The following DDX46 variants were observed in gnomAD, a reference collection of about 807,000 sequenced individuals.
DDX46 encodes the protein probable ATP-dependent RNA helicase DDX46.
DDX46 carries 30 observed loss-of-function variants against 134.9 expected under a neutral mutation model. That is an observed-to-expected ratio of 0.22 (90% CI 0.17 to 0.30). DDX46 has a LOEUF of 0.30. Ranked by LOEUF, DDX46 falls within the 10% of genes least tolerant of loss-of-function variation. The pLI is 1.00. For synonymous variants in DDX46, 415 were observed against 404.1 expected, an observed-to-expected ratio of 1.03 and a Z score of -0.32; for missense variants, 622 against 1,248.7, an observed-to-expected ratio of 0.50 and a Z score of 7.56.
intron 16 of DDX46, among the ~76,000 whole-genome samples, chr5:134,809,460 C>G (rs1191755629): frequency 3.3e-5 from 5 of 152,162 alleles, no homozygotes; most frequent in African/African-American, 1.2e-4. Context: ...CTCTCCCTCC[C>G]AGGTTCAAAC....
chr5:134,817,356 AATGAG>A, intron 19 of DDX46, 135 bp from the exon 20 acceptor site: 1 of 755,984 alleles, frequency 1.3e-6, no homozygotes, highest in Non-Finnish European at 2.1e-6. Context: ...CACACATATC[AATGAG>A]ACTATGCATT....
In DDX46 at chr5:134,811,625, T is replaced by C. The variant is rs1319365977; in HGVS notation, c.2287-71T>C. On this transcript the variant is annotated intron_variant, in intron 17 of 22. Transcript: ENST00000452510. ...TTGACATACACCACCTTGAAAAATATTTAATTAGTATGAATTCCTAAACAT... is the reference window on the plus strand; with the variant it reads ...TTGACATACACCACCTTGAAAAATACTTAATTAGTATGAATTCCTAAACAT... 4.6e-5 allele frequency: 68 copies of C among 1,481,072 alleles called. No individual in the cohort carries two copies. In the South Asian group the frequency reaches 9.1e-4, roughly 20 times the overall value. 91.7% of individuals were successfully genotyped at this position (1,481,072 alleles called of 1,614,324 possible).
chr5:134,789,932 A>G (rs1283663040), intron 12 of DDX46, among the ~76,000 whole-genome samples: 2 of 152,200 alleles, frequency 1.3e-5, no homozygotes, highest in Non-Finnish European at 2.9e-5. Context: ...TTAATTTCCT[A>G]ATGCTGTCAA....
intron 10 of DDX46, 63 bp downstream of exon 10, chr5:134,784,604 T>C: frequency 6.7e-7 from 1 of 1,483,614 alleles, no homozygotes; most frequent in South Asian, 1.4e-5. Flanking sequence ...AGAAAGACCT[T>C]ATAGTTTATA....
intron 15 of DDX46, among the ~76,000 whole-genome samples, chr5:134,799,190 C>T (rs530507678): frequency 1.3e-5 from 2 of 152,242 alleles, no homozygotes; most frequent in South Asian, 4.1e-4. Flanking sequence ...TTTTTAGCTA[C>T]TATTCTTTGT....
rs1755679493 is a variant in DDX46, at chr5:134,829,522, A to T, written c.*816A>T. On this transcript the variant is annotated 3_prime_UTR_variant, in exon 23 of 23. Transcript: ENST00000452510. ...TACATGTTGTATGTACAAATATCCT[A>T]CTACTTTTAATCTGATTTTTCTTCA... is the stretch of plus-strand genomic sequence containing the variant. 3 of 152,176 alleles carry T rather than the reference A, an allele frequency of 2.0e-5. No homozygotes were observed. The highest frequency in any genetic ancestry group is 4.1e-4 in the South Asian group (2 of 4,832). The allele number at this position is 152,176 out of a possible 1,614,324, so 9.4% of individuals were successfully genotyped here.
rs548521508 is a variant in DDX46 at position 134,811,959 on chromosome 5, T to C, written c.2436+114T>C. 7.1e-5 allele frequency: 97 copies of C among 1,363,638 alleles called. 1 individual carries two copies. The South Asian group carries it at 1.5e-3, about 21-fold the overall frequency. The allele number at this position is 1,363,638 out of a possible 1,614,324, so 84.5% of individuals were successfully genotyped here. On this transcript the variant is annotated intron_variant, in intron 18 of 22. Transcript: ENST00000452510. ...ATCACTGGAAACCTTTACAAGAGGT[T>C]GGTTCCAGAACAGTTTTGGAAAATC...
chr5:134,790,498 A>G lies in DDX46; in HGVS notation c.1572A>G (p.Thr524=). 1 of 1,613,138 alleles carries G rather than the reference A, an allele frequency of 6.2e-7. No homozygotes were observed. Among genetic ancestry groups the G allele is most frequent in the South Asian group, 1.1e-5 (1 of 90,764 alleles). ...GGGTCACAAATCTTCGAAGAGTGAC[A>G]TATGTTGTTTTAGATGAAGCAGACA... ...SGRVTNLRRV[T]YVVLDEADRM... Residue 524 remains threonine, a synonymous_variant, in exon 13 of 23, where the codon ACA becomes ACG. Coordinates refer to ENST00000452510, the MANE Select transcript of DDX46 (RefSeq NM_001300860.2).
At position 134,811,788 on chromosome 5, in the gene DDX46, G is replaced by A. The variant is rs145388509; in HGVS notation, c.2379G>A (p.Lys793=). 11 of 1,613,836 alleles carry A rather than the reference G, an allele frequency of 6.8e-6. No homozygotes were observed. In the African/African-American group the frequency reaches 1.5e-4, roughly 22 times the overall value. ...AAGCTTTGGCTAATGAGAGGAAGAA[G>A]TTACAAAAAGCAGCTCTTGGTCTAC... ...TEQALANERK[K]LQKAALGLQD... is the part of the protein sequence containing the mutation. The change falls in exon 18 of 23, where the codon AAG becomes AAA. Residue 793 remains lysine (K), a synonymous_variant. Transcript: ENST00000452510.
chr5:134,795,713 A>G (rs1754637171), intron 14 of DDX46, among the ~76,000 whole-genome samples: 1 of 152,186 alleles, frequency 6.6e-6, no homozygotes, highest in South Asian at 2.1e-4. Flanking sequence ...CAAAGGAAAA[A>G]GAAATGTTAC....
At chr5:134,808,389 A>G (rs990295160) in intron 16 of DDX46, among the ~76,000 whole-genome samples, 17 of 152,192 alleles carry the variant, frequency 1.1e-4, no homozygotes, top group Admixed American at 5.2e-4. Context: ...CACAAAGCCT[A>G]TTTTATAATA....
intron 5 of DDX46, among the ~76,000 whole-genome samples, chr5:134,776,408 T>C (rs1450042908): frequency 6.6e-6 from 1 of 151,240 alleles, no homozygotes; most frequent in Non-Finnish European, 1.5e-5. Context: ...AAAAAAAGAA[T>C]TACGAGAAAG....
intron 15 of DDX46, among the ~76,000 whole-genome samples, chr5:134,800,786 C>T (rs1370067067): frequency 6.6e-6 from 1 of 152,184 alleles, no homozygotes; most frequent in Non-Finnish European, 1.5e-5. Flanking sequence ...AGCGATTCTC[C>T]TGCCTCAGCC....
chr5:134,806,095 C>G (rs1754979801), intron 15 of DDX46, among the ~76,000 whole-genome samples: 1 of 152,004 alleles, frequency 6.6e-6, no homozygotes, highest in Non-Finnish European at 1.5e-5. Context: ...CACCTGTAGT[C>G]CCAGCTAGTG....
intron 15 of DDX46, among the ~76,000 whole-genome samples, chr5:134,802,385 T>C (rs627583): frequency 0.067 from 10,215 of 151,848 alleles, 745 homozygotes; most frequent in African/African-American, 0.19. Flanking sequence ...TGGTCTCGAA[T>C]TCCTGATATC....
At chr5:134,804,812 C>CT (rs2150153455) in intron 15 of DDX46, 1 of 406,966 alleles carries the variant, frequency 2.5e-6, no homozygotes, top group East Asian at 6.0e-5. Context: ...GCCTTCAACA[C>CT]TTTCACCATG....
At chr5:134,773,624 T>G in intron 4 of DDX46, 72 bp from the exon 5 acceptor site, 1 of 1,470,252 alleles carries the variant, frequency 6.8e-7, no homozygotes, top group Non-Finnish European at 9.0e-7. Context: ...GAATGTCACT[T>G]GGAGCAAAAT....
At chr5:134,792,132 G>T (rs970229083) in intron 13 of DDX46, among the ~76,000 whole-genome samples, 1 of 152,048 alleles carries the variant, frequency 6.6e-6, no homozygotes, top group East Asian at 1.9e-4. Context: ...AGCCGAGATC[G>T]CATTACTGTA....
At chr5:134,770,089 G>A (rs1368972355) in intron 3 of DDX46, among the ~76,000 whole-genome samples, 1 of 151,882 alleles carries the variant, frequency 6.6e-6, no homozygotes, top group African/African-American at 2.4e-5. Context: ...TAGAGACGAG[G>A]TCTCACTGTA....
Sources: allele counts gnomAD v4.1 joint callset (sites outside exome capture counted in the v4.1 genomes callset), GRCh38; gene constraint gnomAD v4.1.1; transcripts MANE v1.5; gene names NCBI Gene and HGNC (gene_info 2026-07-23, HGNC 2026-07-21).